KSR2: variants seen among roughly 807,000 people sequenced by gnomAD.
KSR2 encodes the protein kinase suppressor of ras 2.
A neutral mutation model predicts 107.8 loss-of-function variants in KSR2; 25 were observed. The observed-to-expected ratio is 0.23, with a 90% confidence interval of 0.17 to 0.32. The LOEUF (loss-of-function observed/expected upper bound fraction) is 0.32. KSR2 is among the 10% of genes least tolerant of loss of function. The probability of loss-of-function intolerance (pLI) is 1.00; values close to 1 mark genes in which losing one functional copy is unlikely to be tolerated. For synonymous variants in KSR2, 480 were observed against 507.0 expected (o/e 0.95, Z 0.71); for missense variants, 887 against 1,268.9 (o/e 0.70, Z 4.57).
At chr12:117,852,728 C>T (rs1033015338) in intron 3 of KSR2, among the ~76,000 whole-genome samples, 3 of 152,084 alleles carry the variant, frequency 2.0e-5, no homozygotes, top group East Asian at 1.9e-4. Context: ...GGCATTGTGC[C>T]GGCATAAATT....
rs1381917919 is a variant in KSR2 at position 117,471,641 on chromosome 12, T to A, written c.2583-321A>T. ...GGATACAAAAATTTATTTATAAGGATATTCTCTAAAGCACTATATATAATA... is the reference window on the plus strand; with the variant it reads ...GGATACAAAAATTTATTTATAAGGAAATTCTCTAAAGCACTATATATAATA... On this transcript the variant is annotated intron_variant, in intron 17 of 19. Coordinates refer to ENST00000339824, the MANE Select transcript of KSR2 (RefSeq NM_173598.6). Among the ~76,000 whole-genome samples the A allele has an allele frequency of 2.0e-5, 3 of 152,256 alleles. No individual in the cohort carries two copies. In the East Asian group the frequency reaches 5.8e-4, roughly 29 times the overall value.
intron 4 of KSR2, among the ~76,000 whole-genome samples, chr12:117,715,480 C>A (rs1886943699): frequency 6.6e-6 from 1 of 152,338 alleles, no homozygotes; most frequent in East Asian, 1.9e-4. Context: ...GGAGAAAATT[C>A]ACCTTTGTTG....
intron 3 of KSR2, among the ~76,000 whole-genome samples, chr12:117,839,686 G>A (rs1305507716): frequency 6.6e-6 from 1 of 152,174 alleles, no homozygotes; most frequent in East Asian, 1.9e-4. Context: ...GTGCAATCAA[G>A]GAAATCCTCC....
rs546188012 is a variant in KSR2 at position 117,873,461 on chromosome 12, C to CTTTTT, written c.181-13035_181-13031dup. ...CGTTCATTTAAAGATGTTCATGGTGCTTTTTTTTTTTTTTTTTGAGATGGA... is the reference window on the plus strand; with the variant it reads ...CGTTCATTTAAAGATGTTCATGGTGCTTTTTTTTTTTTTTTTTTTTTTGAGATGGA... On this transcript the variant is annotated intron_variant, in intron 1 of 19. Transcript: ENST00000339824. Among the ~76,000 whole-genome samples the CTTTTT allele has an allele frequency of 2.3e-4, 28 of 119,494 alleles. 1 individual carries two copies. The highest frequency in any genetic ancestry group is 5.2e-4 in the East Asian group (2 of 3,832). 78.4% of individuals were successfully genotyped at this position (119,494 alleles called of 152,430 possible). A position where few individuals can be genotyped will look rare whatever the true frequency, so the allele number is the denominator to read the frequency against.
At chr12:117,572,661 T>C (rs1189920562) in intron 7 of KSR2, among the ~76,000 whole-genome samples, 1 of 151,360 alleles carries the variant, frequency 6.6e-6, no homozygotes, top group Non-Finnish European at 1.5e-5. Flanking sequence ...ACTGGTGGTT[T>C]TGGAAGATGT....
intron 3 of KSR2, among the ~76,000 whole-genome samples, chr12:117,808,000 A>G (rs541772871): frequency 6.6e-6 from 1 of 152,200 alleles, no homozygotes; most frequent in Admixed American, 6.5e-5. Context: ...TGCCTGTGAC[A>G]GCTCCCAAAT....
At chr12:117,517,112 G>A (rs1874424462) in intron 14 of KSR2, among the ~76,000 whole-genome samples, 1 of 152,176 alleles carries the variant, frequency 6.6e-6, no homozygotes, top group African/African-American at 2.4e-5. Flanking sequence ...TCCAAAAGAA[G>A]GACATGGTTT....
chr12:117,541,386 C>A (rs1246224653), intron 9 of KSR2, among the ~76,000 whole-genome samples: 1 of 152,152 alleles, frequency 6.6e-6, no homozygotes, highest in East Asian at 1.9e-4. Context: ...GGCATGTTCT[C>A]CTGGAAAGGG....
intron 1 of KSR2, among the ~76,000 whole-genome samples, chr12:117,912,510 C>T (rs549226666): frequency 2.0e-5 from 3 of 152,268 alleles, no homozygotes; most frequent in East Asian, 3.9e-4. Context: ...TGTTTGTCCA[C>T]AGGAATTCTA....
intron 3 of KSR2, 25 bp from the exon 4 acceptor site, chr12:117,761,549 ACAATGGGTAAG>A (rs750564410): frequency 6.2e-7 from 1 of 1,612,118 alleles, no homozygotes; most frequent in South Asian, 1.1e-5. Context: ...AAGAGCAGAG[ACAATGGGTAAG>A]CCATGAGAAA....
In KSR2 at chr12:117,607,677, G is replaced by GAGAGA. The variant is rs1881359069; in HGVS notation, c.1172-25319_1172-25318insTCTCT. On this transcript the variant is annotated intron_variant, in intron 5 of 19. Transcript: ENST00000339824. ...GAAAGGAGAGGAGAGGAGAGGAGAG[G>GAGAGA]AGAGGAGAGGAGAGGAGAGGGAAGC... 2.6e-5 allele frequency among the ~76,000 whole-genome samples: 4 copies of GAGAGA among 151,722 alleles called. No individual in the cohort carries two copies. In the South Asian group the frequency reaches 8.3e-4, roughly 32 times the overall value.
At chr12:117,477,129 GC>G (rs1871840711) in intron 16 of KSR2, among the ~76,000 whole-genome samples, 1 of 152,132 alleles carries the variant, frequency 6.6e-6, no homozygotes, top group Non-Finnish European at 1.5e-5. Flanking sequence ...CATCCAACTG[GC>G]CCCAGAGCTA....
At chr12:117,565,668 A>G (rs1229089819) in intron 7 of KSR2, among the ~76,000 whole-genome samples, 2 of 152,210 alleles carry the variant, frequency 1.3e-5, no homozygotes, top group Non-Finnish European at 2.9e-5. Context: ...AATGTTTTAC[A>G]TATATTTTAA....
chr12:117,467,125 C>A lies in KSR2; in HGVS notation c.*74G>T. 1.7e-6 allele frequency: 1 copy of A among 599,512 alleles called. No individual in the cohort carries two copies. Among genetic ancestry groups the A allele is most frequent in the Non-Finnish European group, 3.0e-6 (1 of 329,988 alleles). The allele number at this position is 599,512 out of a possible 1,614,324, so 37.1% of individuals were successfully genotyped here. On this transcript the variant is annotated 3_prime_UTR_variant, in exon 20 of 20. Coordinates refer to ENST00000339824, the MANE Select transcript of KSR2 (RefSeq NM_173598.6). ...GATGCTGAGTCTCTGGCCTCCTGAG[C>A]TGGCAGAGGACAGAGTAGGGAGGGA...
intron 12 of KSR2, among the ~76,000 whole-genome samples, chr12:117,527,952 T>A (rs1875329017): frequency 4.7e-5 from 1 of 21,382 alleles, no homozygotes; most frequent in Non-Finnish European, 9.6e-5. Flanking sequence ...AAGACACAAG[T>A]GTGTGTGTGT....
At chr12:117,764,114 T>C (rs1889141387) in intron 3 of KSR2, among the ~76,000 whole-genome samples, 1 of 152,228 alleles carries the variant, frequency 6.6e-6, no homozygotes, top group East Asian at 1.9e-4. Flanking sequence ...CAACTCATTT[T>C]GTTATTATAT....
chr12:117,775,787 C>A (rs1053442119), intron 3 of KSR2, among the ~76,000 whole-genome samples: 1 of 152,114 alleles, frequency 6.6e-6, no homozygotes, highest in East Asian at 1.9e-4. Flanking sequence ...GCATTCACAG[C>A]GACCTGGATG....
At chr12:117,547,234 C>T (rs1876931092) in intron 9 of KSR2, among the ~76,000 whole-genome samples, 1 of 152,106 alleles carries the variant, frequency 6.6e-6, no homozygotes, top group Non-Finnish European at 1.5e-5. Context: ...TCTGTTAGTC[C>T]CTGAAGAGGG....
At chr12:117,792,371 G>A (rs1217516223) in intron 3 of KSR2, among the ~76,000 whole-genome samples, 1 of 151,904 alleles carries the variant, frequency 6.6e-6, no homozygotes, top group Admixed American at 6.6e-5. Flanking sequence ...AGAAGAAGAA[G>A]AAGAATTGCA....
Sources: allele counts gnomAD v4.1 joint callset (sites outside exome capture counted in the v4.1 genomes callset), GRCh38; gene constraint gnomAD v4.1.1; transcripts MANE v1.5; gene names NCBI Gene and HGNC (gene_info 2026-07-23, HGNC 2026-07-21).